CSNK1G3: variants seen among roughly 807,000 people sequenced by gnomAD.
The protein encoded by CSNK1G3 is casein kinase 1 gamma 3, also known as casein kinase I isoform gamma-3.
Under a neutral mutation model 64.3 loss-of-function variants are expected in CSNK1G3, and 23 were observed. That is an observed-to-expected ratio of 0.36 (90% CI 0.26 to 0.51). The LOEUF (loss-of-function observed/expected upper bound fraction) is 0.51, where lower values mean the gene tolerates loss of function less well. Ranked by LOEUF, CSNK1G3 falls within the 20% of genes least tolerant of loss-of-function variation. The pLI is 0.96. For synonymous variants in CSNK1G3, 158 were observed against 162.2 expected, an observed-to-expected ratio of 0.97 and a Z score of 0.20; for missense variants, 357 against 510.5, an observed-to-expected ratio of 0.70 and a Z score of 2.90.
rs540209673 is a variant in CSNK1G3 at position 123,539,929 on chromosome 5, A to G, written c.-247-5488A>G. Among the ~76,000 whole-genome samples the G allele has an allele frequency of 2.6e-5, 4 of 152,248 alleles. No individual in the cohort carries two copies. In the East Asian group the frequency reaches 7.7e-4, roughly 29 times the overall value. ...GTATTAAATTTATTGGCCTAAAGTTACTCATAGTCCTTTGTCCTTTAGTAT... is the reference window on the plus strand; with the variant it reads ...GTATTAAATTTATTGGCCTAAAGTTGCTCATAGTCCTTTGTCCTTTAGTAT... On this transcript the variant is annotated intron_variant, in intron 1 of 12. Coordinates refer to ENST00000345990, the Ensembl canonical transcript of CSNK1G3.
At chr5:123,609,302 C>T (rs1581449412) in intron 12 of CSNK1G3, among the ~76,000 whole-genome samples, 1 of 152,092 alleles carries the variant, frequency 6.6e-6, no homozygotes, top group East Asian at 1.9e-4. Flanking sequence ...AGTTATGAGG[C>T]TTATGTCACT....
chr5:123,524,392 T>C (rs1230058102), intron 1 of CSNK1G3, among the ~76,000 whole-genome samples: 1 of 152,228 alleles, frequency 6.6e-6, no homozygotes, highest in Non-Finnish European at 1.5e-5. Context: ...TTGCACATGA[T>C]AACTTCATGC....
chr5:123,554,988 T>TAA (rs1441825063), intron 3 of CSNK1G3, among the ~76,000 whole-genome samples: 3 of 152,256 alleles, frequency 2.0e-5, no homozygotes, highest in African/African-American at 7.2e-5. Flanking sequence ...GATGCCTTAC[T>TAA]AAACGTTTAT....
intron 1 of CSNK1G3, among the ~76,000 whole-genome samples, chr5:123,527,690 A>C (rs1047408233): frequency 3.9e-5 from 6 of 152,200 alleles, no homozygotes; most frequent in African/African-American, 1.4e-4. Flanking sequence ...AGAAGAACGA[A>C]TATAACTGTT....
chr5:123,606,757 C>A (rs985910340), intron 12 of CSNK1G3, among the ~76,000 whole-genome samples: 3 of 152,128 alleles, frequency 2.0e-5, no homozygotes, highest in Non-Finnish European at 4.4e-5. Context: ...TTACATCCTC[C>A]TGGAGACTTG....
At chr5:123,514,206 AT>A (rs1776739449) in intron 1 of CSNK1G3, among the ~76,000 whole-genome samples, 1 of 152,102 alleles carries the variant, frequency 6.6e-6, no homozygotes, top group South Asian at 2.1e-4. Flanking sequence ...TATGAATGAC[AT>A]TTTTTTGGGG....
chr5:123,534,739 GCC>G (rs779553576), intron 1 of CSNK1G3, among the ~76,000 whole-genome samples: 6 of 152,094 alleles, frequency 3.9e-5, no homozygotes, highest in Admixed American at 6.6e-5. Context: ...AAAGTGTCTA[GCC>G]AATACCTTGA....
chr5:123,616,731 C>G (rs1308129684), exon 13 of CSNK1G3: 8 of 152,180 alleles, frequency 5.3e-5, no homozygotes, highest in Non-Finnish European at 1.0e-4. Flanking sequence ...AAGTATGTAA[C>G]TGAAAAAGAA....
intron 2 of CSNK1G3, among the ~76,000 whole-genome samples, chr5:123,549,490 T>A (rs1783230624): frequency 6.6e-6 from 1 of 152,150 alleles, no homozygotes; most frequent in Non-Finnish European, 1.5e-5. Flanking sequence ...GCAATATTCC[T>A]CTACCTTATC....
intron 12 of CSNK1G3, among the ~76,000 whole-genome samples, chr5:123,613,892 T>G (rs1748985761): frequency 6.6e-6 from 1 of 152,200 alleles, no homozygotes; most frequent in Non-Finnish European, 1.5e-5. Flanking sequence ...CTTTCACTTT[T>G]TTAATATGAT....
At chr5:123,555,415 A>T (rs946654752) in intron 3 of CSNK1G3, among the ~76,000 whole-genome samples, 2 of 152,180 alleles carry the variant, frequency 1.3e-5, no homozygotes, top group African/African-American at 4.8e-5. Context: ...TAGACCTGCC[A>T]TAAAAGTAAT....
At chr5:123,551,335 A>G (rs534933877) in intron 2 of CSNK1G3, among the ~76,000 whole-genome samples, 11 of 152,284 alleles carry the variant, frequency 7.2e-5, no homozygotes, top group African/African-American at 2.4e-4. Context: ...GCACATCTAA[A>G]CATTGAACTA....
At chr5:123,521,302 T>TA (rs1561445932) in intron 1 of CSNK1G3, among the ~76,000 whole-genome samples, 1 of 152,100 alleles carries the variant, frequency 6.6e-6, no homozygotes, top group Non-Finnish European at 1.5e-5. Flanking sequence ...GTTTTTATTT[T>TA]AAAAAAAGGA....
chr5:123,556,530 C>G (rs1281409824), intron 3 of CSNK1G3, among the ~76,000 whole-genome samples: 2 of 151,870 alleles, frequency 1.3e-5, no homozygotes, highest in South Asian at 2.1e-4. Flanking sequence ...CTTACAGTTT[C>G]CAAATTCTCT....
chr5:123,566,658 TAAA>T (rs1258737833), intron 4 of CSNK1G3, among the ~76,000 whole-genome samples: 2 of 152,172 alleles, frequency 1.3e-5, no homozygotes, highest in Non-Finnish European at 2.9e-5. Flanking sequence ...TCTTAACTCT[TAAA>T]AATTTAAGTT....
intron 1 of CSNK1G3, among the ~76,000 whole-genome samples, chr5:123,540,271 C>T (rs182745005): frequency 2.8e-4 from 42 of 151,476 alleles, no homozygotes; most frequent in Admixed American, 2.1e-3. Context: ...TTTATTTTTC[C>T]GTTTATCAGC....
At chr5:123,596,975 G>T (rs899936419) in intron 10 of CSNK1G3, among the ~76,000 whole-genome samples, 2 of 152,098 alleles carry the variant, frequency 1.3e-5, no homozygotes, top group Admixed American at 6.5e-5. Flanking sequence ...TTTGTAATGT[G>T]ACCCTTGTGT....
chr5:123,574,260 A>C (rs1050793538), intron 5 of CSNK1G3, among the ~76,000 whole-genome samples: 1 of 152,200 alleles, frequency 6.6e-6, no homozygotes, highest in Non-Finnish European at 1.5e-5. Context: ...TCCGTTGGAT[A>C]ACAATTAGAG....
intron 12 of CSNK1G3, among the ~76,000 whole-genome samples, chr5:123,608,851 G>A (rs1183384418): frequency 6.6e-6 from 1 of 152,168 alleles, no homozygotes; most frequent in Admixed American, 6.5e-5. Flanking sequence ...CAGGGTTAAG[G>A]ATCATTGGTC....
Sources: gnomAD v4.1 joint callset for allele counts (sites outside exome capture counted in the v4.1 genomes callset) on GRCh38, gnomAD v4.1.1 for gene constraint, MANE v1.5 for transcripts, NCBI Gene and HGNC (gene_info 2026-07-23, HGNC 2026-07-21) for gene names.